The following RHOBTB2 variants were observed in gnomAD, a reference collection of about 807,000 sequenced individuals.
The protein encoded by RHOBTB2 is Rho related BTB domain containing 2, also known as rho-related BTB domain-containing protein 2.
Under a neutral mutation model 66.5 loss-of-function variants are expected in RHOBTB2, and 39 were observed. The observed-to-expected ratio is 0.59, with a 90% CI of 0.45 to 0.77. RHOBTB2 has a LOEUF of 0.77. Among genes scored for constraint, RHOBTB2 ranks in the 30% least tolerant of loss-of-function variants. RHOBTB2 has a pLI of 0.00. For synonymous variants in RHOBTB2, 390 were observed against 395.0 expected (o/e 0.99, Z 0.15); for missense variants, 755 against 999.1 (o/e 0.76, Z 3.29).
At chr8:22,982,676 C>T (rs973326592), upstream of RHOBTB2, among the ~76,000 whole-genome samples, 4 of 152,182 alleles carry the variant, frequency 2.6e-5, no homozygotes, top group African/African-American at 9.7e-5. Context: ...AGCGAGACAA[C>T]GTCACAAAAA....
intron 1 of RHOBTB2, among the ~76,000 whole-genome samples, chr8:23,003,445 A>G (rs1810845786): frequency 6.6e-6 from 1 of 152,188 alleles, no homozygotes; most frequent in African/African-American, 2.4e-5. Flanking sequence ...TGGCAATCCC[A>G]TCGCCCATGT....
At position 23,006,969 on chromosome 8, in the gene RHOBTB2, A is replaced by C. The variant is rs1810974704; in HGVS notation, c.724A>C (p.Ile242Leu). Reference sequence around the variant, plus strand: ...CCTACCCCCCAAGCCACCGCCCCCGATCATCGTGGTGCCCGACCCTCCCTC... The same window carrying C: ...CCTACCCCCCAAGCCACCGCCCCCGCTCATCGTGGTGCCCGACCCTCCCTC... The part of the protein sequence containing the change: ...PFLPPKPPPP[I>L]IVVPDPPSSS... The change falls in exon 5 of 10, where the codon ATC (isoleucine) becomes CTC (leucine). Residue 242 changes from isoleucine to leucine, a missense_variant. Ile to Leu is a conservative substitution (Grantham distance 5). Around this residue, in one of 7 missense-constraint regions of RHOBTB2, gnomAD observed 247 missense variants for 238.9 expected, o/e 1.03. Coordinates refer to ENST00000251822, the MANE Select transcript of RHOBTB2 (RefSeq NM_015178.3). The surrounding 1 kb of genome is among the most constrained non-coding windows in gnomAD (Gnocchi z 6.1). 1.2e-6 allele frequency: 2 copies of C among 1,610,484 alleles called. No individual in the cohort carries two copies. Among genetic ancestry groups the C allele is most frequent in the Non-Finnish European group, 1.7e-6 (2 of 1,179,762 alleles).
chr8:23,001,211 C>G (rs141663911), intron 1 of RHOBTB2, among the ~76,000 whole-genome samples: 1 of 151,976 alleles, frequency 6.6e-6, no homozygotes, highest in African/African-American at 2.4e-5. Flanking sequence ...GGTTGTGATG[C>G]CCAGGGCTGG....
upstream of RHOBTB2, chr8:22,994,706 A>G (rs972783474): frequency 8.7e-6 from 11 of 1,269,088 alleles, no homozygotes; most frequent in African/African-American, 1.6e-4. Context: ...GCATTTATTA[A>G]GCAACTCCCA....
At chr8:23,001,179 C>A (rs1340575380) in intron 1 of RHOBTB2, among the ~76,000 whole-genome samples, 1 of 152,052 alleles carries the variant, frequency 6.6e-6, no homozygotes, top group African/African-American at 2.4e-5. Flanking sequence ...TTGCGATTGT[C>A]ATGGAAGAGG....
the RHOBTB2 span, among the ~76,000 whole-genome samples, chr8:22,962,446 G>A: frequency 1.2e-4 from 18 of 152,086 alleles, no homozygotes; most frequent in African/African-American, 3.4e-4. Flanking sequence ...GGCATTCACC[G>A]CTTTGAGGAT....
rs1810867213 is a variant in RHOBTB2 at position 23,004,007 on chromosome 8, G to A, written c.-10-418G>A. On this transcript the variant is annotated intron_variant, in intron 1 of 9. Coordinates refer to ENST00000251822, the MANE Select transcript of RHOBTB2 (RefSeq NM_015178.3). This position sits in a 1 kb window ranked among gnomAD's most constrained non-coding sequence, Gnocchi z 6.4. ...GCTGGGAAGGGGTGGGGACGTGGCC[G>A]ACTCTGCTTCTCTCAGCTGTTTGTT... The A allele has an allele frequency of 1.8e-5, 5 of 270,786 alleles. No individual in the cohort carries two copies. The highest frequency in any genetic ancestry group is 8.0e-5 in the South Asian group (2 of 25,012). The allele number at this position is 270,786 out of a possible 1,614,324, so 16.8% of individuals were successfully genotyped here.
At chr8:22,993,665 T>A (rs1458546646) in intron 2 of RHOBTB2, among the ~76,000 whole-genome samples, 1 of 152,166 alleles carries the variant, frequency 6.6e-6, no homozygotes, top group African/African-American at 2.4e-5. Flanking sequence ...CTCCTCTGCG[T>A]TGGTTTCTTT....
At chr8:22,994,740 T>TGCAAGCACTAGACC (rs1464905811), upstream of RHOBTB2, 1 of 856,876 alleles carries the variant, frequency 1.2e-6, no homozygotes, top group Non-Finnish European at 1.9e-6. Flanking sequence ...AGCACTAGAC[T>TGCAAGCACTAGACC]GCAAGCACTA....
chr8:22,999,354 G>C (rs1376733534), upstream of RHOBTB2, among the ~76,000 whole-genome samples: 1 of 152,184 alleles, frequency 6.6e-6, no homozygotes, highest in Admixed American at 6.5e-5. Context: ...GCCAGGTGGA[G>C]GGACCGGCGC....
At chr8:22,981,467 G>A in the RHOBTB2 span, among the ~76,000 whole-genome samples, 16 of 152,304 alleles carry the variant, frequency 1.1e-4, no homozygotes, top group African/African-American at 3.1e-4. Context: ...ACATTCTCTC[G>A]CCAGGGCAGG....
the RHOBTB2 span, among the ~76,000 whole-genome samples, chr8:22,970,919 T>C: frequency 1.1e-4 from 17 of 152,234 alleles, no homozygotes; most frequent in African/African-American, 2.4e-5. Flanking sequence ...AATTTTCTAG[T>C]GCCTTCTCCC....
Position 23,007,625 on chromosome 8 carries a change from G to C in RHOBTB2, c.1380G>C (p.Leu460=), listed in dbSNP as rs1393021512. 6.2e-7 allele frequency: 1 copy of C among 1,614,062 alleles called. No homozygotes were observed. The highest frequency in any genetic ancestry group is 8.5e-7 in the Non-Finnish European group (1 of 1,180,036). ...CTGAGCTGCTCGAGGTCTTTGATCT[G>C]CGCATGATGGTGGCCAACATTCTCA... is the stretch of plus-strand genomic sequence containing the variant. ...HIAELLEVFD[L]RMMVANILNN... is the part of the protein sequence containing the mutation. Residue 460 remains leucine (L), a synonymous_variant, in exon 5 of 10, where the codon CTG becomes CTC. Coordinates refer to ENST00000251822, the MANE Select transcript of RHOBTB2 (RefSeq NM_015178.3).
chr8:23,016,082 A>G (rs988746486), intron 9 of RHOBTB2, among the ~76,000 whole-genome samples: 2 of 152,240 alleles, frequency 1.3e-5, no homozygotes, highest in South Asian at 2.1e-4. Flanking sequence ...CATCTTTCTA[A>G]TGCTGCTCAT....
In RHOBTB2 at chr8:23,007,697, C is replaced by T. The variant is rs1811013283; in HGVS notation, c.1452C>T (p.Val484=). The T allele has an allele frequency of 1.9e-6, 3 of 1,614,080 alleles. No homozygotes were observed. Among genetic ancestry groups the T allele is most frequent in the South Asian group, 1.1e-5 (1 of 91,090 alleles). ...AGGAGATCACCAAGGCCTTCCACGTCCGCCGGACCAACCGGGTTAAGGAGT... is the reference window on the plus strand; with the variant it reads ...AGGAGATCACCAAGGCCTTCCACGTTCGCCGGACCAACCGGGTTAAGGAGT... The part of the protein sequence containing the change: ...MNQEITKAFH[V]RRTNRVKECL... Residue 484 remains valine, a synonymous_variant, in exon 5 of 10, where the codon GTC becomes GTT. Coordinates refer to ENST00000251822, the MANE Select transcript of RHOBTB2 (RefSeq NM_015178.3).
intron 1 of RHOBTB2, among the ~76,000 whole-genome samples, chr8:22,991,397 T>C (rs1286309129): frequency 6.6e-6 from 1 of 151,848 alleles, no homozygotes; most frequent in Non-Finnish European, 1.5e-5. Flanking sequence ...GAGGAAAGGA[T>C]AGGACAGATA....
At position 23,010,705 on chromosome 8, in the gene RHOBTB2, C is replaced by T. The variant is rs1419454800; in HGVS notation, c.1771+17C>T. 6.2e-7 allele frequency: 1 copy of T among 1,612,948 alleles called. No individual in the cohort carries two copies. The highest frequency in any genetic ancestry group is 1.7e-5 in the Admixed American group (1 of 59,954). ...CCCTCACAGGTAACTAAGCAGTGCA[C>T]TCGGGGACCTCCCCGCGGCAGAGGC... On this transcript the variant is annotated intron_variant, in intron 7 of 9. Transcript: ENST00000251822.
Position 23,017,562 on chromosome 8 carries a change from C to A in RHOBTB2, c.*93C>A. 6.6e-7 allele frequency: 1 copy of A among 1,510,532 alleles called. No individual in the cohort carries two copies. Among genetic ancestry groups the A allele is most frequent in the Non-Finnish European group, 8.9e-7 (1 of 1,123,202 alleles). 93.6% of individuals were successfully genotyped at this position (1,510,532 alleles called of 1,614,324 possible). On this transcript the variant is annotated 3_prime_UTR_variant, in exon 10 of 10. Coordinates refer to ENST00000251822, the MANE Select transcript of RHOBTB2 (RefSeq NM_015178.3). This position sits in a 1 kb window ranked among gnomAD's most constrained non-coding sequence, Gnocchi z 5.3. Reference sequence around the variant, plus strand: ...CATCACCCCATCCACCTTACAGGGACCAGGGGGCCCACGTAACCAGGACCC... The same window carrying A: ...CATCACCCCATCCACCTTACAGGGAACAGGGGGCCCACGTAACCAGGACCC...
the RHOBTB2 span, among the ~76,000 whole-genome samples, chr8:22,973,300 C>T: frequency 6.6e-6 from 1 of 152,202 alleles, no homozygotes; most frequent in Non-Finnish European, 1.5e-5. Context: ...CCGATCATCG[C>T]TCATTGCACC....
Sources: allele counts gnomAD v4.1 joint callset (sites outside exome capture counted in the v4.1 genomes callset), GRCh38; gene constraint gnomAD v4.1.1; regional missense constraint gnomAD v4.1.1; non-coding constraint Gnocchi (gnomAD v3.1); transcripts MANE v1.5; gene names NCBI Gene and HGNC (gene_info 2026-07-23, HGNC 2026-07-21).